DISP1: variants seen among roughly 807,000 people sequenced by gnomAD.
The protein encoded by DISP1 is protein dispatched homolog 1.
Under a neutral mutation model 37.3 loss-of-function variants are expected in DISP1, and 30 were observed. That is an observed-to-expected ratio of 0.80 (90% CI 0.60 to 1.09). DISP1 has a LOEUF of 1.09. DISP1 is among the 50% of genes least tolerant of loss of function. The pLI, the probability that DISP1 is intolerant of heterozygous loss-of-function variation, is 0.00. For missense variants in DISP1, 1,598 were observed against 1,879.5 expected (o/e 0.85, Z 2.77); for synonymous variants, 634 against 690.2 (o/e 0.92, Z 1.28).
intron 1 of DISP1, among the ~76,000 whole-genome samples, chr1:222,869,945 C>G (rs1255245390): frequency 6.6e-6 from 1 of 152,172 alleles, no homozygotes; most frequent in East Asian, 1.9e-4. Flanking sequence ...CCCTCTCCCC[C>G]CACCCCACAA....
At chr1:222,936,708 TATTATATATCATATATATGATATATAAAA>T (rs71178508) in intron 2 of DISP1, among the ~76,000 whole-genome samples, 101 of 96,210 alleles carry the variant, frequency 1.0e-3, no homozygotes, top group African/African-American at 3.6e-3. Flanking sequence ...ATATCATATA[TATTATATATCATATATATGATATATAAAA>T]ATTATATATC....
At chr1:222,945,806 A>G (rs1347128440) in intron 3 of DISP1, 1 of 152,200 alleles carries the variant, frequency 6.6e-6, no homozygotes, top group Non-Finnish European at 1.5e-5. Flanking sequence ...ATGTTATCTA[A>G]AGAGAAAGAA....
chr1:222,864,475 C>T (rs924185871), intron 1 of DISP1, among the ~76,000 whole-genome samples: 8 of 151,740 alleles, frequency 5.3e-5, no homozygotes, highest in Non-Finnish European at 1.0e-4. Flanking sequence ...TGTAGGAGTC[C>T]TCTCATTTTT....
chr1:222,821,724 C>G (rs566765805), intron 1 of DISP1, among the ~76,000 whole-genome samples: 2 of 151,906 alleles, frequency 1.3e-5, no homozygotes, highest in Admixed American at 1.3e-4. Context: ...AAAAATAATA[C>G]AAATATTAGC....
In DISP1 at chr1:223,003,649, A is replaced by G; in HGVS notation, c.2252A>G (p.Glu751Gly). 1 of 1,614,150 alleles carries G rather than the reference A, an allele frequency of 6.2e-7. No individual in the cohort carries two copies. The highest frequency in any genetic ancestry group is 1.7e-5 in the Admixed American group (1 of 60,018). The change falls in exon 9 of 9, where the codon GAG (glutamate) becomes GGG (glycine). Residue 751 changes from glutamate (E) to glycine (G), a missense_variant. Transcript: ENST00000675850. The surrounding 1 kb of genome is among the most constrained non-coding windows in gnomAD (Gnocchi z 4.3). Reference protein sequence around the residue: ...KMKLPSLELSEFQVFRSSHPF... With the variant: ...KMKLPSLELSGFQVFRSSHPF... Reference sequence around the variant, plus strand: ...AAACTGCCCTCACTGGAGTTATCCGAGTTCCAGGTGTTCCGGTCGTCCCAT... The same window carrying G: ...AAACTGCCCTCACTGGAGTTATCCGGGTTCCAGGTGTTCCGGTCGTCCCAT...
At chr1:222,898,021 A>G (rs1022231195) in intron 1 of DISP1, among the ~76,000 whole-genome samples, 1 of 152,170 alleles carries the variant, frequency 6.6e-6, no homozygotes, top group Non-Finnish European at 1.5e-5. Context: ...GATGTCCTGC[A>G]GATGAACTGG....
chr1:222,890,963 A>G (rs1169356897), intron 1 of DISP1, among the ~76,000 whole-genome samples: 8 of 152,108 alleles, frequency 5.3e-5, no homozygotes, highest in African/African-American at 1.9e-4. Flanking sequence ...TCCAGTATGA[A>G]CTCATTTTAA....
chr1:222,833,749 C>T (rs1207673417), intron 1 of DISP1, among the ~76,000 whole-genome samples: 3 of 152,150 alleles, frequency 2.0e-5, no homozygotes, highest in Non-Finnish European at 4.4e-5. Context: ...GATTTTTATG[C>T]AGAGACTTTT....
intron 1 of DISP1, among the ~76,000 whole-genome samples, chr1:222,895,399 C>T (rs903755800): frequency 4.6e-5 from 7 of 152,040 alleles, no homozygotes; most frequent in Non-Finnish European, 1.0e-4. Context: ...GTTAATTTGG[C>T]TTATATTTAT....
rs774959288 is a variant in DISP1 at position 222,943,103 on chromosome 1, C to T, written c.280C>T (p.His94Tyr). ...CCCATACCATCACCCTTTGACTAGC[C>T]ATAGCAGTCACCAAGAGTGCCATCC... ...PCPYHHPLTS[H>Y]SSHQECHPEA... The change falls in exon 3 of 9, where the codon CAT (histidine) becomes TAT (tyrosine). Residue 94 changes from histidine to tyrosine, a missense_variant. Coordinates refer to ENST00000675850, the MANE Select transcript of DISP1 (RefSeq NM_001377229.1). 1 of 1,614,156 alleles carries T rather than the reference C, an allele frequency of 6.2e-7. No individual in the cohort carries two copies. The highest frequency in any genetic ancestry group is 8.5e-7 in the Non-Finnish European group (1 of 1,180,004).
intron 3 of DISP1, among the ~76,000 whole-genome samples, chr1:222,971,087 T>C (rs1676911537): frequency 6.6e-6 from 1 of 152,142 alleles, no homozygotes; most frequent in African/African-American, 2.4e-5. Context: ...TCTAAATCAG[T>C]ATTATTTTTA....
At chr1:222,954,338 T>C (rs1216523985) in intron 3 of DISP1, among the ~76,000 whole-genome samples, 1 of 152,228 alleles carries the variant, frequency 6.6e-6, no homozygotes, top group African/African-American at 2.4e-5. Context: ...AAAATTGTCT[T>C]TTTAAAACAC....
chr1:222,936,248 G>T (rs545530234), intron 2 of DISP1, among the ~76,000 whole-genome samples: 1 of 152,206 alleles, frequency 6.6e-6, no homozygotes, highest in South Asian at 2.1e-4. Context: ...AGTACACTGT[G>T]ATGACCACAC....
chr1:222,934,694 C>A (rs534567340), intron 2 of DISP1, among the ~76,000 whole-genome samples: 13 of 152,202 alleles, frequency 8.5e-5, no homozygotes, highest in Non-Finnish European at 1.3e-4. Flanking sequence ...GACTTAAGGT[C>A]TCTTTATATA....
At chr1:222,847,707 C>A (rs1476357630) in intron 1 of DISP1, among the ~76,000 whole-genome samples, 3 of 152,148 alleles carry the variant, frequency 2.0e-5, no homozygotes, top group African/African-American at 7.2e-5. Flanking sequence ...GACACACCAA[C>A]CCCCACCCCC....
chr1:222,994,150 A>G (rs910381296), intron 7 of DISP1, among the ~76,000 whole-genome samples: 1 of 152,176 alleles, frequency 6.6e-6, no homozygotes, highest in African/African-American at 2.4e-5. Flanking sequence ...TTTGAGATAG[A>G]TATTGCTGTC....
At chr1:222,985,666 A>G (rs1237077835) in intron 4 of DISP1, among the ~76,000 whole-genome samples, 1 of 152,150 alleles carries the variant, frequency 6.6e-6, no homozygotes, top group Non-Finnish European at 1.5e-5. Flanking sequence ...GGGGAAAGAA[A>G]AAAACAAAAA....
At chr1:223,001,933 C>A (rs552138174) in intron 8 of DISP1, among the ~76,000 whole-genome samples, 1 of 152,256 alleles carries the variant, frequency 6.6e-6, no homozygotes, top group South Asian at 2.1e-4. Context: ...ATGCTGATAA[C>A]CAGAATTTTA....
chr1:222,848,275 G>A (rs1032952379), intron 1 of DISP1, among the ~76,000 whole-genome samples: 2 of 152,058 alleles, frequency 1.3e-5, no homozygotes, highest in Non-Finnish European at 2.9e-5. Context: ...GTGATTGTGA[G>A]CATTAAATGA....
Sources: gnomAD v4.1 joint callset for allele counts (sites outside exome capture counted in the v4.1 genomes callset) on GRCh38, gnomAD v4.1.1 for gene constraint, Gnocchi (gnomAD v3.1) non-coding constraint, MANE v1.5 for transcripts, NCBI Gene and HGNC (gene_info 2026-07-23, HGNC 2026-07-21) for gene names.